Variants in NAPA observed in about 807,000 individuals in gnomAD.
The protein encoded by NAPA is alpha-soluble NSF attachment protein.
In NAPA, 18 loss-of-function variants were observed where a neutral mutation model predicts 48.0. That is an observed-to-expected ratio of 0.38 (90% CI 0.26 to 0.56). The LOEUF (loss-of-function observed/expected upper bound fraction) is 0.56, where lower values mean the gene tolerates loss of function less well. Among genes scored for constraint, NAPA ranks in the 20% least tolerant of loss-of-function variants. The pLI, the probability that NAPA is intolerant of heterozygous loss-of-function variation, is 0.77. For missense variants in NAPA, 315 were observed against 385.0 expected, an observed-to-expected ratio of 0.82 and a Z score of 1.52; for synonymous variants, 152 against 149.9, an observed-to-expected ratio of 1.01 and a Z score of -0.10.
At chr19:47,504,172 T>C (rs1001404952) in intron 1 of NAPA, among the ~76,000 whole-genome samples, 1 of 151,852 alleles carries the variant, frequency 6.6e-6, no homozygotes, top group African/African-American at 2.4e-5. Context: ...GGTTGGCGGA[T>C]TGCTTGAGCT....
chr19:47,509,624 A>G lies in NAPA; in HGVS notation c.98+5219T>C, dbSNP rs943230187. The stretch of plus-strand genomic sequence containing the variant: ...GATTCCAGGCACGCTTCCCTACTTC[A>G]GAATAGCAGCATGGGCTTCATCTCC... On this transcript the variant is annotated intron_variant, in intron 1 of 10. Coordinates refer to ENST00000263354, the MANE Select transcript of NAPA (RefSeq NM_003827.4). Among the ~76,000 whole-genome samples the G allele has an allele frequency of 5.3e-5, 8 of 152,326 alleles. No homozygotes were observed. The East Asian group carries it at 1.5e-3, about 29-fold the overall frequency.
At chr19:47,514,744 C>T in intron 1 of NAPA, 99 bp downstream of exon 1, 2 of 1,184,526 alleles carry the variant, frequency 1.7e-6, no homozygotes, top group Non-Finnish European at 2.4e-6. Context: ...TCTCCGTCCC[C>T]TCGGCCCGAG....
Position 47,488,263 on chromosome 19 carries a change from C to T in NAPA, c.*25G>A, listed in dbSNP as rs199538019. 77 of 1,587,924 alleles carry T rather than the reference C, an allele frequency of 4.8e-5. No individual in the cohort carries two copies. Among genetic ancestry groups the T allele is most frequent in the African/African-American group, 6.7e-5 (5 of 74,462 alleles). The stretch of plus-strand genomic sequence containing the variant: ...TCTCTGAGCAGATGGGACAGGAAGA[C>T]GGGCACTGGGGGGCTGGGTGGGGCT... On this transcript the variant is annotated 3_prime_UTR_variant, in exon 11 of 11. Transcript: ENST00000263354.
intron 9 of NAPA, among the ~76,000 whole-genome samples, chr19:47,490,311 G>A (rs1407375172): frequency 5.1e-5 from 6 of 116,592 alleles, no homozygotes; most frequent in Non-Finnish European, 7.5e-5. Context: ...GGTGTGTCGT[G>A]TGTGTGTAGT....
intron 1 of NAPA, 23 bp downstream of exon 1, chr19:47,514,820 C>G: frequency 6.2e-7 from 1 of 1,607,850 alleles, no homozygotes; most frequent in Non-Finnish European, 8.5e-7. Flanking sequence ...AGGTCCCGGC[C>G]GACCCCTCAG....
intron 1 of NAPA, among the ~76,000 whole-genome samples, chr19:47,504,630 A>G (rs1968656018): frequency 6.7e-6 from 1 of 148,528 alleles, no homozygotes; most frequent in African/African-American, 2.4e-5. Flanking sequence ...TCTTTTCGAG[A>G]AAAAAAATAT....
chr19:47,500,257 C>T (rs1041412941), intron 3 of NAPA, among the ~76,000 whole-genome samples: 7 of 152,308 alleles, frequency 4.6e-5, no homozygotes, highest in Admixed American at 1.3e-4. Flanking sequence ...GAATCCTCCC[C>T]GCCCCCCACA....
At position 47,493,983 on chromosome 19, in the gene NAPA, C is replaced by G. The variant is rs1353480942; in HGVS notation, c.343-490G>C. 6.6e-6 allele frequency among the ~76,000 whole-genome samples: 1 copy of G among 152,222 alleles called. No individual in the cohort carries two copies. Among genetic ancestry groups the G allele is most frequent in the Non-Finnish European group, 1.5e-5 (1 of 68,022 alleles). The stretch of plus-strand genomic sequence containing the variant: ...AGGCCAACACCTATCTGTCAGCCTC[C>G]CCCAGGCACACCCAGAGCTCCCCAG... On this transcript the variant is annotated intron_variant, in intron 4 of 10. Coordinates refer to ENST00000263354, the MANE Select transcript of NAPA (RefSeq NM_003827.4). This position sits in a 1 kb window ranked among gnomAD's most constrained non-coding sequence, Gnocchi z 6.4.
At chr19:47,491,943 C>T in intron 8 of NAPA, 72 bp downstream of exon 8, 3 of 1,378,550 alleles carry the variant, frequency 2.2e-6, no homozygotes, top group Non-Finnish European at 3.1e-6. Context: ...TCTTCGGGGG[C>T]AACGGGACCT....
intron 1 of NAPA, among the ~76,000 whole-genome samples, chr19:47,510,252 G>A (rs1968780753): frequency 6.6e-6 from 1 of 152,326 alleles, no homozygotes; most frequent in Middle Eastern, 3.4e-3. Flanking sequence ...CCCTGGGCAG[G>A]CCCTGTACAG....
At chr19:47,495,106 G>A (rs940950927) in intron 4 of NAPA, 4 of 179,208 alleles carry the variant, frequency 2.2e-5, no homozygotes, top group East Asian at 3.1e-4. Flanking sequence ...GGACTCAAGC[G>A]ATTTTCCTGC....
chr19:47,492,206 G>A, intron 7 of NAPA, 87 bp from the exon 8 acceptor site: 5 of 1,207,332 alleles, frequency 4.1e-6, no homozygotes, highest in Middle Eastern at 2.1e-4. Flanking sequence ...GGGCCAGCTG[G>A]GAGCTGGTTC....
At chr19:47,511,971 G>A (rs111332190) in intron 1 of NAPA, among the ~76,000 whole-genome samples, 2 of 152,268 alleles carry the variant, frequency 1.3e-5, no homozygotes, top group African/African-American at 4.8e-5. Context: ...GAGATCTTCA[G>A]TGCCTCCTCC....
At chr19:47,511,519 G>T (rs1047288608) in intron 1 of NAPA, among the ~76,000 whole-genome samples, 1 of 152,182 alleles carries the variant, frequency 6.6e-6, no homozygotes, top group African/African-American at 2.4e-5. Context: ...TTAAGAGGGT[G>T]GCAGCTCTCC....
rs769636570 is a variant in NAPA, at chr19:47,514,955, G to A, written c.-15C>T. The A allele has an allele frequency of 3.7e-6, 6 of 1,612,948 alleles. No homozygotes were observed. The highest frequency in any genetic ancestry group is 2.2e-5 in the East Asian group (1 of 44,872). On this transcript the variant is annotated 5_prime_UTR_variant, in exon 1 of 11. Coordinates refer to ENST00000263354, the MANE Select transcript of NAPA (RefSeq NM_003827.4). ...GAATTGTCCATGGCGGCCACAAAGG[G>A]ACTCAGCAAAGCGCCTGACCCTGAC...
At chr19:47,491,912 C>A in intron 8 of NAPA, 103 bp downstream of exon 8, 4 of 1,012,240 alleles carry the variant, frequency 4.0e-6, no homozygotes, top group Non-Finnish European at 1.5e-6. Flanking sequence ...AGGGGCCAGA[C>A]GTGAGGGAGG....
chr19:47,486,417 C>A (rs1264933331), downstream of NAPA, among the ~76,000 whole-genome samples: 1 of 152,074 alleles, frequency 6.6e-6, no homozygotes, highest in African/African-American at 2.4e-5. Context: ...CACAATTTAT[C>A]AGAGTGCGGC....
In NAPA at chr19:47,493,539, G is replaced by T. The variant is rs1968338914; in HGVS notation, c.343-46C>A. The T allele has an allele frequency of 1.3e-6, 2 of 1,560,568 alleles. No homozygotes were observed. On this transcript the variant is annotated intron_variant, in intron 4 of 10. Transcript: ENST00000263354. This position sits in a 1 kb window ranked among gnomAD's most constrained non-coding sequence, Gnocchi z 6.4. ...GGCTGCCTGCGACTCATGACCTCCTGCGTGCCTGCCTGCTGACCTATGACC... is the reference window on the plus strand; with the variant it reads ...GGCTGCCTGCGACTCATGACCTCCTTCGTGCCTGCCTGCTGACCTATGACC...
chr19:47,495,935 A>C, intron 3 of NAPA: 3 of 304,796 alleles, frequency 9.8e-6, no homozygotes, highest in Non-Finnish European at 1.9e-5. Flanking sequence ...TGATGGCCAG[A>C]CTCCCACGGT....
Sources: allele counts gnomAD v4.1 joint callset (sites outside exome capture counted in the v4.1 genomes callset), GRCh38; gene constraint gnomAD v4.1.1; non-coding constraint Gnocchi (gnomAD v3.1); transcripts MANE v1.5; gene names NCBI Gene and HGNC (gene_info 2026-07-23, HGNC 2026-07-21).